ABCC2: variants seen among roughly 807,000 people sequenced by gnomAD.
ABCC2 encodes ATP binding cassette subfamily C member 2.
A neutral mutation model predicts 173.4 loss-of-function variants in ABCC2; 157 were observed. The observed-to-expected ratio is 0.91, with a 90% CI of 0.80 to 1.03. The LOEUF (loss-of-function observed/expected upper bound fraction) is 1.03. Among genes scored for constraint, ABCC2 ranks in the 50% least tolerant of loss-of-function variants. The probability of loss-of-function intolerance (pLI) is 0.00; values close to 1 mark genes in which losing one functional copy is unlikely to be tolerated. For missense variants in ABCC2, 1,822 were observed against 1,852.3 expected (o/e 0.98, Z 0.30); for synonymous variants, 657 against 693.5 (o/e 0.95, Z 0.83).
At chr10:99,786,672 G>A (rs1185616878) in intron 2 of ABCC2, among the ~76,000 whole-genome samples, 1 of 151,950 alleles carries the variant, frequency 6.6e-6, no homozygotes, top group Non-Finnish European at 1.5e-5. Flanking sequence ...TTTGAGACCA[G>A]CTTGGCCAAC....
intron 17 of ABCC2, among the ~76,000 whole-genome samples, chr10:99,818,235 AT>A (rs1385400068): frequency 6.7e-6 from 1 of 149,112 alleles, no homozygotes; most frequent in Non-Finnish European, 1.5e-5. Context: ...AAAAAAAAAG[AT>A]TTTTAATGAC....
chr10:99,850,914 G>T, intron 31 of ABCC2, 118 bp downstream of exon 31: 1 of 1,259,994 alleles, frequency 7.9e-7, no homozygotes, highest in Non-Finnish European at 1.1e-6. Flanking sequence ...TACTGATGAA[G>T]AAACTGAGAC....
At chr10:99,850,902 A>G (rs901188203) in intron 31 of ABCC2, 106 bp downstream of exon 31, 2 of 1,330,018 alleles carry the variant, frequency 1.5e-6, no homozygotes, top group Non-Finnish European at 1.1e-6. Context: ...CCACCACCAC[A>G]TTACTGATGA....
intron 30 of ABCC2, among the ~76,000 whole-genome samples, chr10:99,848,740 A>G (rs1460949918): frequency 6.6e-6 from 1 of 152,164 alleles, no homozygotes; most frequent in African/African-American, 2.4e-5. Context: ...AAAGCTCCCA[A>G]CGCCTAAACT....
intron 23 of ABCC2, 76 bp downstream of exon 23, chr10:99,832,207 C>T (rs557959590): frequency 3.2e-6 from 5 of 1,562,346 alleles, no homozygotes; most frequent in South Asian, 2.2e-5. Context: ...TTATTATGTC[C>T]CCCTAGACAA....
At chr10:99,812,982 C>G (rs762884632) in intron 15 of ABCC2, 36 bp from the exon 16 acceptor site, 14 of 1,612,488 alleles carry the variant, frequency 8.7e-6, no homozygotes, top group Non-Finnish European at 1.2e-5. Flanking sequence ...ATACCCAACC[C>G]CTGCTATCTC....
chr10:99,807,884 T>C (rs1458760140), intron 12 of ABCC2, among the ~76,000 whole-genome samples, 199 bp from the exon 13 acceptor site: 2 of 152,190 alleles, frequency 1.3e-5, no homozygotes, highest in Non-Finnish European at 2.9e-5. Flanking sequence ...GCTCTGGTCC[T>C]AGTAATCCAT....
chr10:99,817,448 G>A lies in ABCC2; in HGVS notation c.2235G>A (p.Met745Ile). 1 of 1,614,180 alleles carries A rather than the reference G, an allele frequency of 6.2e-7. No individual in the cohort carries two copies. The highest frequency in any genetic ancestry group is 8.5e-7 in the Non-Finnish European group (1 of 1,180,030). The part of the protein sequence containing the change: ...EACALLPDLE[M>I]LPGGDLAEIG... ...GTGCTCTCCTCCCAGACTTGGAAATGCTGCCTGGAGGAGATTTGGCTGAGA... is the reference window on the plus strand; with the variant it reads ...GTGCTCTCCTCCCAGACTTGGAAATACTGCCTGGAGGAGATTTGGCTGAGA... The change falls in exon 17 of 32, where the codon ATG (methionine) becomes ATA (isoleucine). Residue 745 changes from methionine (M) to isoleucine (I), a missense_variant. Coordinates refer to ENST00000647814, the MANE Select transcript of ABCC2 (RefSeq NM_000392.5).
rs776226153 is a variant in ABCC2, at chr10:99,831,641, C to T, written c.2914C>T (p.Gln972Ter). Residue 972 changes from glutamine to a stop codon, truncating the protein, a stop_gained, in exon 22 of 32, where the codon CAA (glutamine) becomes TAA (stop). Transcript: ENST00000647814. LOFTEE classifies it high-confidence loss of function. ...VKFSIYLEYL[Q>*]AIGLFSIFFI... is the part of the protein sequence containing the mutation. ...GTTCTCCATCTACCTGGAGTACCTA[C>T]AAGCAATAGGATTGTTTTCGATATT... is the stretch of plus-strand genomic sequence containing the variant. 1.7e-5 allele frequency: 27 copies of T among 1,614,066 alleles called. 1 individual carries two copies. The South Asian group carries it at 2.6e-4, about 16-fold the overall frequency.
rs1452936119 is a variant in ABCC2 at position 99,847,061 on chromosome 10, A to G, written c.4247A>G (p.Lys1416Arg). Residue 1416 changes from lysine (K) to arginine (R), a missense_variant, in exon 30 of 32, where the codon AAG becomes AGG. Lys to Arg is a conservative substitution (Grantham distance 26, BLOSUM62 2). Coordinates refer to ENST00000647814, the MANE Select transcript of ABCC2 (RefSeq NM_000392.5). ...IWKALELAHL[K>R]SFVASLQLGL... The stretch of plus-strand genomic sequence containing the variant: ...AAGGCCTTGGAGCTGGCTCACCTCA[A>G]GTCTTTTGTGGCCAGCCTGCAACTT... 6.2e-7 allele frequency: 1 copy of G among 1,614,160 alleles called. No homozygotes were observed. The highest frequency in any genetic ancestry group is 1.1e-5 in the South Asian group (1 of 91,084).
At chr10:99,833,576 A>T (rs986910580) in intron 23 of ABCC2, among the ~76,000 whole-genome samples, 4 of 152,182 alleles carry the variant, frequency 2.6e-5, no homozygotes, top group Non-Finnish European at 5.9e-5. Flanking sequence ...GATCAAAAGT[A>T]ATCTGCATAG....
At chr10:99,805,092 GA>G in intron 10 of ABCC2, among the ~76,000 whole-genome samples, 1 of 152,170 alleles carries the variant, frequency 6.6e-6, no homozygotes, top group Non-Finnish European at 1.5e-5. Context: ...CTGTAAAGGA[GA>G]AAGCCTTGGG....
intron 11 of ABCC2, 144 bp downstream of exon 11, chr10:99,805,591 C>A: frequency 1.2e-6 from 1 of 811,914 alleles, no homozygotes; most frequent in Non-Finnish European, 2.2e-6. Context: ...TCCTCCTGTC[C>A]CTCTCAGGTC....
At chr10:99,832,903 C>CTCTCT (rs1252157278) in intron 23 of ABCC2, among the ~76,000 whole-genome samples, 26 of 152,332 alleles carry the variant, frequency 1.7e-4, no homozygotes, top group African/African-American at 6.0e-4. Flanking sequence ...TCATAGATGT[C>CTCTCT]TCTCTTCCAT....
intron 14 of ABCC2, among the ~76,000 whole-genome samples, chr10:99,810,925 G>T (rs1459034451): frequency 3.3e-5 from 5 of 152,042 alleles, no homozygotes; most frequent in Non-Finnish European, 5.9e-5. Flanking sequence ...TCAGGAGGCT[G>T]AGGCAGGAGA....
rs1462243512 is a variant in ABCC2 at position 99,832,104 on chromosome 10, A to G, written c.3231A>G (p.Thr1077=). Residue 1077 remains threonine (T), a synonymous_variant, in exon 23 of 32, where the codon ACA becomes ACG. Coordinates refer to ENST00000647814, the MANE Select transcript of ABCC2 (RefSeq NM_000392.5). ...APMRFFDTTP[T]GRIVNRFAGD... ...TGAGATTTTTTGACACAACACCCAC[A>G]GGCCGGATTGTGAACAGGTTTGCCG... 4 of 1,614,096 alleles carry G rather than the reference A, an allele frequency of 2.5e-6. No individual in the cohort carries two copies. Among genetic ancestry groups the G allele is most frequent in the South Asian group, 1.1e-5 (1 of 91,088 alleles).
chr10:99,845,509 A>C, intron 28 of ABCC2, 115 bp from the exon 29 acceptor site: 2 of 1,329,664 alleles, frequency 1.5e-6, no homozygotes, highest in Non-Finnish European at 2.2e-6. Flanking sequence ...AATATCTTAG[A>C]GATGGAGTAG....
chr10:99,788,112 G>A (rs952336961), intron 2 of ABCC2, among the ~76,000 whole-genome samples: 2 of 151,998 alleles, frequency 1.3e-5, no homozygotes, highest in Admixed American at 6.6e-5. Flanking sequence ...CAGTACTCTA[G>A]TCACTCATTC....
At chr10:99,815,016 G>C (rs1221512542) in intron 16 of ABCC2, among the ~76,000 whole-genome samples, 2 of 150,570 alleles carry the variant, frequency 1.3e-5, no homozygotes, top group Non-Finnish European at 3.0e-5. Context: ...TTTGCAGAAC[G>C]TGTAGGTTTG....
Sources: allele counts gnomAD v4.1 joint callset (sites outside exome capture counted in the v4.1 genomes callset), GRCh38; gene constraint gnomAD v4.1.1; transcripts MANE v1.5; gene names NCBI Gene and HGNC (gene_info 2026-07-23, HGNC 2026-07-21).